The following KAT6A variants were observed in gnomAD, a reference collection of about 807,000 sequenced individuals.
KAT6A encodes histone acetyltransferase KAT6A.
KAT6A carries 9 observed loss-of-function variants against 198.4 expected under a neutral mutation model. That is an observed-to-expected ratio of 0.05 (90% CI 0.03 to 0.08). The LOEUF (loss-of-function observed/expected upper bound fraction) is 0.08. KAT6A is among the 10% of genes least tolerant of loss of function. KAT6A has a pLI of 1.00. For missense variants in KAT6A, 2,077 were observed against 2,509.9 expected, an observed-to-expected ratio of 0.83 and a Z score of 3.69; for synonymous variants, 890 against 883.0, an observed-to-expected ratio of 1.01 and a Z score of -0.14.
intron 2 of KAT6A, among the ~76,000 whole-genome samples, chr8:42,031,042 G>GT (rs1448187006): frequency 7.4e-6 from 1 of 135,570 alleles, no homozygotes; most frequent in East Asian, 2.6e-4. Context: ...AAAAAAAGGG[G>GT]GGGGGGACAG....
chr8:41,936,933 T>C (rs1224409431), intron 16 of KAT6A, among the ~76,000 whole-genome samples: 1 of 152,210 alleles, frequency 6.6e-6, no homozygotes, highest in Admixed American at 6.5e-5. Flanking sequence ...GGTTATTACA[T>C]CTTCCTGATG....
intron 2 of KAT6A, among the ~76,000 whole-genome samples, chr8:42,022,400 C>T (rs945344041): frequency 2.6e-5 from 4 of 152,130 alleles, no homozygotes; most frequent in Admixed American, 6.5e-5. Flanking sequence ...AATTTGATTA[C>T]CTCTAAGAAC....
intron 2 of KAT6A, among the ~76,000 whole-genome samples, 166 bp from the exon 3 acceptor site, chr8:41,987,729 G>A (rs1824692834): frequency 6.6e-6 from 1 of 152,186 alleles, no homozygotes; most frequent in African/African-American, 2.4e-5. Flanking sequence ...GCCTGCTCTG[G>A]CTGGGCCTTT....
At chr8:42,009,894 CAAAAAAAAA>C (rs538642816) in intron 2 of KAT6A, among the ~76,000 whole-genome samples, 4 of 49,064 alleles carry the variant, frequency 8.2e-5, no homozygotes, top group African/African-American at 3.3e-4. Context: ...AGCCCTGTCT[CAAAAAAAAA>C]AAAAAAAAAA....
intron 2 of KAT6A, among the ~76,000 whole-genome samples, chr8:42,044,092 T>TAAA (rs1827792516): frequency 6.7e-6 from 1 of 148,764 alleles, no homozygotes; most frequent in South Asian, 2.1e-4. Context: ...ATAACATGGG[T>TAAA]AAAAACTTTT....
At position 41,932,585 on chromosome 8, in the gene KAT6A, G is replaced by T; in HGVS notation, c.5635C>A (p.Pro1879Thr). The change falls in exon 17 of 17, where the codon CCA (proline) becomes ACA (threonine). Residue 1879 changes from proline (P) to threonine (T), a missense_variant. Physicochemically the swap from Pro to Thr is conservative, Grantham distance 38. This residue lies in a region of KAT6A where 500 missense variants were observed against 577.2 expected (regional missense o/e 0.87). Transcript: ENST00000265713. ...AHQQQLYGRSPSAVAMQAGPR... is the reference protein window; with the variant it reads ...AHQQQLYGRSTSAVAMQAGPR... ...CCAGCCTGCATGGCAACTGCCGATG[G>T]GCTACGGCCATACAGCTGCTGCTGG... 6.2e-7 allele frequency: 1 copy of T among 1,614,206 alleles called. No individual in the cohort carries two copies. Among genetic ancestry groups the T allele is most frequent in the Non-Finnish European group, 8.5e-7 (1 of 1,180,020 alleles).
intron 8 of KAT6A, among the ~76,000 whole-genome samples, chr8:41,962,690 A>AT (rs1184404458): frequency 6.6e-6 from 1 of 151,972 alleles, no homozygotes; most frequent in Non-Finnish European, 1.5e-5. Context: ...CAGGGTTCCC[A>AT]TCTCATTCAG....
At chr8:42,044,471 G>C (rs1030291716) in intron 2 of KAT6A, among the ~76,000 whole-genome samples, 1 of 151,986 alleles carries the variant, frequency 6.6e-6, no homozygotes, top group African/African-American at 2.4e-5. Flanking sequence ...ACACACTAAA[G>C]TTCCAATGTC....
At chr8:41,959,620 C>T (rs1823092922) in intron 8 of KAT6A, among the ~76,000 whole-genome samples, 1 of 152,114 alleles carries the variant, frequency 6.6e-6, no homozygotes, top group Non-Finnish European at 1.5e-5. Flanking sequence ...ATGGATAAAC[C>T]AAATGTGGTA....
Position 41,934,332 on chromosome 8 carries a change from T to C in KAT6A, c.3888A>G (p.Pro1296=). ...CTGCATCTTCCTCCTCCTCTGGCTC[T>C]GGCTCCTCTAATTCCTGCTGCTCCT... The part of the protein sequence containing the change: ...SEEEQQELEE[P]EPEEEEDAAA... The change falls in exon 17 of 17, where the codon CCA becomes CCG. Residue 1296 remains proline, a synonymous_variant. Transcript: ENST00000265713. 6.2e-7 allele frequency: 1 copy of C among 1,614,050 alleles called. No individual in the cohort carries two copies. Among genetic ancestry groups the C allele is most frequent in the South Asian group, 1.1e-5 (1 of 91,070 alleles).
At chr8:41,952,657 C>T (rs1306844955) in intron 9 of KAT6A, among the ~76,000 whole-genome samples, 2 of 152,054 alleles carry the variant, frequency 1.3e-5, no homozygotes, top group African/African-American at 2.4e-5. Context: ...TGTTTTTGTA[C>T]GTTACAGTGT....
chr8:41,997,815 T>C (rs558839140), intron 2 of KAT6A, among the ~76,000 whole-genome samples: 46 of 152,306 alleles, frequency 3.0e-4, no homozygotes, highest in Admixed American at 2.2e-3. Context: ...GGTGGGTATT[T>C]GTTTCACAGA....
Position 41,941,425 on chromosome 8 carries a change from T to G in KAT6A, c.2456A>C (p.His819Pro). 2 of 1,597,284 alleles carry G rather than the reference T, an allele frequency of 1.3e-6. No individual in the cohort carries two copies. The highest frequency in any genetic ancestry group is 1.7e-6 in the Non-Finnish European group (2 of 1,175,868). The stretch of plus-strand genomic sequence containing the variant: ...ATAAGAATCTTGTTCTTTGTTCTCA[T>G]GAGACACAGACTTTCCCACCTGATT... ...LEISVGKSVS[H>P]ENKEQDSYSV... is the part of the protein sequence containing the mutation. Residue 819 changes from histidine (H) to proline (P), a missense_variant, in exon 15 of 17, where the codon CAT (histidine) becomes CCT (proline). His to Pro is a moderately conservative substitution (Grantham distance 77, BLOSUM62 -2). Transcript: ENST00000265713.
In KAT6A at chr8:42,048,768, G is replaced by A. The variant is rs1802450588; in HGVS notation, c.210C>T (p.Ser70=). Residue 70 remains serine, a synonymous_variant, in exon 2 of 17, where the codon TCC becomes TCT. Coordinates refer to ENST00000265713, the MANE Select transcript of KAT6A (RefSeq NM_006766.5). The part of the protein sequence containing the change: ...ILKVSNKGLN[S]YKDPDNPGRI... ...GCCCAGGATTATCAGGATCTTTATAGGAATTGAGTCCTTTATTTGAGACTT... is the reference window on the plus strand; with the variant it reads ...GCCCAGGATTATCAGGATCTTTATAAGAATTGAGTCCTTTATTTGAGACTT... The A allele has an allele frequency of 6.2e-7, 1 of 1,614,036 alleles. No individual in the cohort carries two copies. Among genetic ancestry groups the A allele is most frequent in the African/African-American group, 1.3e-5 (1 of 74,918 alleles).
chr8:42,002,872 T>C (rs1218022312), intron 2 of KAT6A, among the ~76,000 whole-genome samples: 2 of 152,246 alleles, frequency 1.3e-5, no homozygotes, highest in African/African-American at 4.8e-5. Flanking sequence ...GACATATTCC[T>C]TGAACTGGAA....
At chr8:42,014,990 T>C (rs1469413385) in intron 2 of KAT6A, among the ~76,000 whole-genome samples, 2 of 152,218 alleles carry the variant, frequency 1.3e-5, no homozygotes, top group Non-Finnish European at 1.5e-5. Context: ...TCACTGTCCA[T>C]AACTGTTCAA....
chr8:41,975,945 A>G (rs1359933078), intron 7 of KAT6A, among the ~76,000 whole-genome samples: 3 of 152,188 alleles, frequency 2.0e-5, no homozygotes, highest in Non-Finnish European at 4.4e-5. Flanking sequence ...CGGATTGCAT[A>G]TTTTCTTAGA....
chr8:41,946,782 C>T (rs1182412856), intron 11 of KAT6A, 98 bp from the exon 12 acceptor site: 1 of 712,644 alleles, frequency 1.4e-6, no homozygotes. Context: ...AACCCACAGC[C>T]CTGGTCCTTT....
intron 2 of KAT6A, among the ~76,000 whole-genome samples, chr8:42,047,331 A>C (rs1228957417): frequency 2.0e-5 from 3 of 152,250 alleles, no homozygotes; most frequent in African/African-American, 7.2e-5. Flanking sequence ...AAGAAGTCAT[A>C]ATTTCAACTA....
Sources: gnomAD v4.1 joint callset for allele counts (sites outside exome capture counted in the v4.1 genomes callset) on GRCh38, gnomAD v4.1.1 for gene constraint, gnomAD v4.1.1 regional missense constraint, MANE v1.5 for transcripts, NCBI Gene and HGNC (gene_info 2026-07-23, HGNC 2026-07-21) for gene names.